JCAD: variants seen among roughly 807,000 people sequenced by gnomAD.
JCAD encodes junctional cadherin 5 associated.
A neutral mutation model predicts 98.0 loss-of-function variants in JCAD; 40 were observed. The ratio of observed to expected loss-of-function variants is 0.41; its 90% CI spans 0.32 to 0.53. JCAD has a LOEUF of 0.53. JCAD is among the 20% of genes least tolerant of loss of function. The pLI is 0.31. For missense variants in JCAD, 1,705 were observed against 1,738.1 expected (o/e 0.98, Z 0.34); for synonymous variants, 691 against 682.3 (o/e 1.01, Z -0.20).
chr10:30,033,566 A>G (rs1310505403), intron 2 of JCAD, among the ~76,000 whole-genome samples: 2 of 152,122 alleles, frequency 1.3e-5, no homozygotes, highest in East Asian at 3.8e-4. Flanking sequence ...ATAACTTCTC[A>G]CTACTTTAAT....
At chr10:30,073,728 T>A (rs1015832340) in intron 1 of JCAD, among the ~76,000 whole-genome samples, 1 of 151,630 alleles carries the variant, frequency 6.6e-6, no homozygotes, top group Non-Finnish European at 1.5e-5. Context: ...TTTCCTTCCT[T>A]CCTTCCCTCC....
chr10:30,063,942 G>A (rs1837744435), upstream of JCAD, among the ~76,000 whole-genome samples: 1 of 152,090 alleles, frequency 6.6e-6, no homozygotes, highest in African/African-American at 2.4e-5. Flanking sequence ...GAATAGCTGG[G>A]ATTATAGGCA....
chr10:30,022,126 C>T (rs138212174), intron 3 of JCAD, among the ~76,000 whole-genome samples: 7 of 152,102 alleles, frequency 4.6e-5, no homozygotes, highest in East Asian at 1.9e-4. Flanking sequence ...GTCTGTGACC[C>T]GAACTCGTTT....
chr10:30,108,460 C>T (rs1386302965), intron 1 of JCAD, among the ~76,000 whole-genome samples: 1 of 152,134 alleles, frequency 6.6e-6, no homozygotes, highest in Non-Finnish European at 1.5e-5. Context: ...GGGAACACTG[C>T]TTTGCAATGG....
chr10:30,058,774 G>C (rs1310814702), intron 1 of JCAD, among the ~76,000 whole-genome samples: 3 of 152,066 alleles, frequency 2.0e-5, no homozygotes, highest in Admixed American at 1.3e-4. Flanking sequence ...GATAATTAAC[G>C]GGATTTACAG....
At chr10:30,054,312 A>C (rs1360971336) in intron 1 of JCAD, among the ~76,000 whole-genome samples, 1 of 152,182 alleles carries the variant, frequency 6.6e-6, no homozygotes, top group East Asian at 1.9e-4. Context: ...AGTTTTTGAA[A>C]AATTTCCTTA....
chr10:30,105,487 C>T (rs1272376753), intron 1 of JCAD, among the ~76,000 whole-genome samples: 1 of 151,874 alleles, frequency 6.6e-6, no homozygotes, highest in Non-Finnish European at 1.5e-5. Flanking sequence ...CCACACCCAG[C>T]TAATTTTTGT....
intron 1 of JCAD, among the ~76,000 whole-genome samples, chr10:30,092,051 AAAAAAAAAAAAAAATATAT>A (rs1396609194): frequency 0.017 from 589 of 35,454 alleles, 14 homozygotes; most frequent in African/African-American, 0.074. Flanking sequence ...AAAAAAAAAA[AAAAAAAAAAAAAAATATAT>A]ATATATATAT....
intron 1 of JCAD, among the ~76,000 whole-genome samples, chr10:30,084,781 GTATCTATCTATCTATCTATCTATCTATC>G (rs61201965): frequency 6.8e-6 from 1 of 146,760 alleles, no homozygotes; most frequent in South Asian, 2.2e-4. Context: ...AATCAAATCT[GTATCTATCTATCTATCTATCTATCTATC>G]TATCTATCTA....
At chr10:30,069,699 C>T (rs1005145145) in intron 2 of JCAD, 3 of 151,024 alleles carry the variant, frequency 2.0e-5, no homozygotes, top group Non-Finnish European at 4.4e-5. Context: ...GTGGCACGCA[C>T]CTGTAGTCCC....
chr10:30,061,731 C>CTTT (rs72058801), upstream of JCAD, among the ~76,000 whole-genome samples: 66 of 142,058 alleles, frequency 4.6e-4, no homozygotes, highest in African/African-American at 1.6e-3. Context: ...GAAATGCAGA[C>CTTT]TTTTTTTTTT....
At position 30,027,871 on chromosome 10, in the gene JCAD, G is replaced by T. The variant is rs1181879667; in HGVS notation, c.2277C>A (p.Ser759=). 6.2e-7 allele frequency: 1 copy of T among 1,614,246 alleles called. No individual in the cohort carries two copies. The highest frequency in any genetic ancestry group is 2.2e-5 in the East Asian group (1 of 44,878). The change falls in exon 3 of 4, where the codon TCC becomes TCA. Residue 759 remains serine, a synonymous_variant. Coordinates refer to ENST00000375377, the MANE Select transcript of JCAD (RefSeq NM_020848.4). ...AAGTCCTTGAGAACGCACTGTTGCTGGATGGGCTGAGGGACCTGTGACCTT... is the reference window on the plus strand; with the variant it reads ...AAGTCCTTGAGAACGCACTGTTGCTTGATGGGCTGAGGGACCTGTGACCTT... ...NLKGHRSLSP[S]SNSAFSRTSL... is the part of the protein sequence containing the mutation.
At chr10:30,040,590 G>T (rs1363109418) in intron 2 of JCAD, among the ~76,000 whole-genome samples, 1 of 152,116 alleles carries the variant, frequency 6.6e-6, no homozygotes, top group African/African-American at 2.4e-5. Flanking sequence ...CCGACCCACG[G>T]TTCTTCAGAA....
intron 1 of JCAD, among the ~76,000 whole-genome samples, chr10:30,083,161 AT>A (rs1303463156): frequency 7.9e-5 from 12 of 151,586 alleles, no homozygotes; most frequent in South Asian, 2.1e-4. Flanking sequence ...GTAATCTCTT[AT>A]TTTTTTTTAA....
chr10:30,102,140 C>G (rs943746419), intron 1 of JCAD, among the ~76,000 whole-genome samples: 2 of 152,122 alleles, frequency 1.3e-5, no homozygotes, highest in African/African-American at 4.8e-5. Context: ...GGTAAGAACA[C>G]TTTACGTAAG....
chr10:30,043,238 T>C (rs1428355630), intron 2 of JCAD, among the ~76,000 whole-genome samples: 1 of 152,144 alleles, frequency 6.6e-6, no homozygotes, highest in South Asian at 2.1e-4. Flanking sequence ...ACAAGTGTCC[T>C]GTATGCTCAA....
chr10:30,067,744 T>C (rs1265702960), intron 2 of JCAD, among the ~76,000 whole-genome samples: 1 of 152,238 alleles, frequency 6.6e-6, no homozygotes, highest in Non-Finnish European at 1.5e-5. Context: ...GGTTTTGAAG[T>C]ACAGTCATGC....
chr10:30,110,046 C>A (rs1838661445), intron 1 of JCAD, among the ~76,000 whole-genome samples: 1 of 151,796 alleles, frequency 6.6e-6, no homozygotes, highest in African/African-American at 2.4e-5. Flanking sequence ...TGATATATGA[C>A]CCCCCAATAT....
rs1409062629 is a variant in JCAD, at chr10:30,026,754, G to A, written c.3394C>T (p.Pro1132Ser). ...ACCCTGGGGACATCTGCCGGTGCTG[G>A]GCGAGATAGCAACTCTTCCTGGGGG... ...ESPQEELLSR[P>S]APADVPRVST... The change falls in exon 3 of 4, where the codon CCA becomes TCA. Residue 1132 changes from proline (P) to serine (S), a missense_variant. By Grantham distance (74) the Pro-to-Ser change is moderately conservative (BLOSUM62 -1). This residue lies in a region of JCAD where 1,278 missense variants were observed against 1,243.1 expected (regional missense o/e 1.03). Coordinates refer to ENST00000375377, the MANE Select transcript of JCAD (RefSeq NM_020848.4). 1 of 1,614,162 alleles carries A rather than the reference G, an allele frequency of 6.2e-7. No homozygotes were observed. The highest frequency in any genetic ancestry group is 2.2e-5 in the East Asian group (1 of 44,874).
Sources: gnomAD v4.1 joint callset for allele counts (sites outside exome capture counted in the v4.1 genomes callset) on GRCh38, gnomAD v4.1.1 for gene constraint, gnomAD v4.1.1 regional missense constraint, MANE v1.5 for transcripts, NCBI Gene and HGNC (gene_info 2026-07-23, HGNC 2026-07-21) for gene names.